HCFC1: variants seen among roughly 807,000 people sequenced by gnomAD.
HCFC1 encodes host cell factor C1.
HCFC1 carries 7 observed loss-of-function variants against 105.5 expected under a neutral mutation model. That is an observed-to-expected ratio of 0.07 (90% CI 0.04 to 0.12). HCFC1 has a LOEUF of 0.12. Among genes scored for constraint, HCFC1 ranks in the 10% least tolerant of loss-of-function variants. The probability of loss-of-function intolerance (pLI) is 1.00; values close to 1 mark genes in which losing one functional copy is unlikely to be tolerated. For synonymous variants in HCFC1, 918 were observed against 828.1 expected (o/e 1.11, Z -1.86); for missense variants, 1,065 against 1,823.6 (o/e 0.58, Z 7.58).
chrX:153,956,477 C>A, intron 15 of HCFC1, 66 bp from the exon 16 acceptor site: 1 of 1,132,115 alleles, frequency 8.8e-7, no homozygotes. Context: ...GCTCCTCCTG[C>A]ACAGGCTGGG....
At chrX:153,970,622 G>T (rs781870864) in intron 1 of HCFC1, 26 bp downstream of exon 1, 3 of 1,146,128 alleles carry the variant, frequency 2.6e-6, no homozygotes, top group African/African-American at 1.9e-5. Context: ...GGAAAGAGCC[G>T]AAGACCCAGC....
In HCFC1 at chrX:153,954,527, T is replaced by C. The variant is rs1557113873; in HGVS notation, c.3872A>G (p.Asn1291Ser). 1 of 1,210,936 alleles carries C rather than the reference T, an allele frequency of 8.3e-7. No individual in the cohort carries two copies. The highest frequency in any genetic ancestry group is 1.8e-5 in the South Asian group (1 of 56,946). ...PSATVTQVCS[N>S]PPCETHETGT... ...TGTCTCGTGGGTCTCACATGGTGGG[T>C]TGGAGCAGACTTGGGTCACGGTGGC... The change falls in exon 17 of 26, where the codon AAC becomes AGC. Residue 1291 changes from asparagine (N) to serine (S), a missense_variant. Transcript: ENST00000310441.
In HCFC1 at chrX:153,948,271, G is replaced by C. The variant is rs1557111485; in HGVS notation, c.*1076C>G. On this transcript the variant is annotated 3_prime_UTR_variant, in exon 26 of 26. Coordinates refer to ENST00000310441, the MANE Select transcript of HCFC1 (RefSeq NM_005334.3). Reference sequence around the variant, plus strand: ...CTAGGCTCGACCCTATAGATGCGGAGTGATCGCCCATGAGGAATGAGCTGT... The same window carrying C: ...CTAGGCTCGACCCTATAGATGCGGACTGATCGCCCATGAGGAATGAGCTGT... 8.9e-6 allele frequency: 1 copy of C among 111,857 alleles called. No homozygotes were observed. Among genetic ancestry groups the C allele is most frequent in the East Asian group, 2.8e-4 (1 of 3,563 alleles). The allele number at this position is 111,857 out of a possible 1,213,427, so 9.2% of individuals were successfully genotyped here. A position where few individuals can be genotyped will look rare whatever the true frequency, so the allele number is the denominator to read the frequency against.
intron 1 of HCFC1, among the ~76,000 whole-genome samples, chrX:153,965,643 C>A (rs2065467391): frequency 1.8e-5 from 2 of 112,311 alleles, no homozygotes; most frequent in Non-Finnish European, 3.8e-5. Flanking sequence ...TGGGTGAGAT[C>A]TCAGCAAGCA....
At chrX:153,962,777 T>C (rs1368492707) in intron 4 of HCFC1, among the ~76,000 whole-genome samples, 1 of 111,325 alleles carries the variant, frequency 9.0e-6, no homozygotes, top group Admixed American at 9.5e-5. Context: ...CAGTTAGTAA[T>C]CTTTCCCAGC....
chrX:153,952,085 G>A lies in HCFC1; in HGVS notation c.5016C>T (p.Ala1672=), dbSNP rs781976883. Residue 1672 remains alanine, a synonymous_variant, in exon 20 of 26, where the codon GCC becomes GCT. Transcript: ENST00000310441. The stretch of plus-strand genomic sequence containing the variant: ...TGGTGGCCTGGCCCTCCTGACCCTC[G>A]GCCGACAGGTGCCCCAGCTCCGCCT... ...VTQAELGHLS[A]EGQEGQATTI... 4 of 1,162,369 alleles carry A rather than the reference G, an allele frequency of 3.4e-6. No homozygotes were observed. Among genetic ancestry groups the A allele is most frequent in the African/African-American group, 1.8e-5 (1 of 56,921 alleles).
Position 153,964,656 on chromosome X carries a change from C to T in HCFC1, c.264G>A (p.Val88=), listed in dbSNP as rs782010376. 1.8e-5 allele frequency: 22 copies of T among 1,204,465 alleles called. No homozygotes were observed. The highest frequency in any genetic ancestry group is 1.2e-4 in the African/African-American group (7 of 57,108). The change falls in exon 2 of 26, where the codon GTG becomes GTA. Residue 88 remains valine (V), a synonymous_variant. Transcript: ENST00000310441. Reference sequence around the variant, plus strand: ...ACACCAGGAGGCGAGTCCCGTCACACACGAAGCCATAGGCTGCACACCCAG... The same window carrying T: ...ACACCAGGAGGCGAGTCCCGTCACATACGAAGCCATAGGCTGCACACCCAG... ...IPPGCAAYGF[V]CDGTRLLVFG... is the part of the protein sequence containing the mutation.
At position 153,954,607 on chromosome X, in the gene HCFC1, G is replaced by A; in HGVS notation, c.3792C>T (p.Gly1264=). The change falls in exon 17 of 26, where the codon GGC becomes GGT. Residue 1264 remains glycine, a synonymous_variant. Transcript: ENST00000310441. ...TCACAGTCACTGTGGTGCTGGGCGA[G>A]CCACCCTGGAGGCTCTCGCACACAG... ...MAPVCESLQG[G]SPSTTVTVTA... The A allele has an allele frequency of 8.3e-7, 1 of 1,209,506 alleles. No homozygotes were observed. The highest frequency in any genetic ancestry group is 1.1e-6 in the Non-Finnish European group (1 of 894,060).
rs1273510206 is a variant in HCFC1, at chrX:153,948,269, G to A, written c.*1078C>T. 1 of 111,846 alleles carries A rather than the reference G, an allele frequency of 8.9e-6. No individual in the cohort carries two copies. The highest frequency in any genetic ancestry group is 1.9e-5 in the Non-Finnish European group (1 of 53,101). 9.2% of individuals were successfully genotyped at this position (111,846 alleles called of 1,213,427 possible). On this transcript the variant is annotated 3_prime_UTR_variant, in exon 26 of 26. Coordinates refer to ENST00000310441, the MANE Select transcript of HCFC1 (RefSeq NM_005334.3). ...CCCTAGGCTCGACCCTATAGATGCG[G>A]AGTGATCGCCCATGAGGAATGAGCT...
intron 17 of HCFC1, 74 bp downstream of exon 17, chrX:153,953,992 C>G: frequency 9.1e-7 from 1 of 1,096,678 alleles, no homozygotes; most frequent in Non-Finnish European, 1.2e-6. Context: ...GACGGACCCC[C>G]GCCATCGTTG....
At position 153,955,207 on chromosome X, in the gene HCFC1, C is replaced by A. The variant is rs781851989; in HGVS notation, c.3192G>T (p.Val1064=). 3.3e-5 allele frequency: 40 copies of A among 1,209,956 alleles called. No individual in the cohort carries two copies. Among genetic ancestry groups the A allele is most frequent in the Non-Finnish European group, 7.8e-6 (7 of 895,057 alleles). The change falls in exon 17 of 26, where the codon GTG becomes GTT. Residue 1064 remains valine, a synonymous_variant. Coordinates refer to ENST00000310441, the MANE Select transcript of HCFC1 (RefSeq NM_005334.3). ...GGACCACGCTACCATTCTGCTGGCC[C>A]ACAGTCGAGGTCACAAGAGAAGCAG... ...EAAASLVTST[V]GQQNGSVVRV...
intron 18 of HCFC1, 154 bp from the exon 19 acceptor site, chrX:153,953,112 T>C (rs1488504202): frequency 3.8e-6 from 2 of 522,808 alleles, no homozygotes; most frequent in East Asian, 3.6e-5. Context: ...GAGAAGCCCC[T>C]GTCAGAGGGG....
rs1557111615 is a variant in HCFC1, at chrX:153,948,692, T to C, written c.*655A>G. ...CCTGCAGGGAGGTCTGCACAGGCGC[T>C]GCCCAGGCCGCCGCGGGGCTCCTTG... On this transcript the variant is annotated 3_prime_UTR_variant, in exon 26 of 26. Coordinates refer to ENST00000310441, the MANE Select transcript of HCFC1 (RefSeq NM_005334.3). 4.4e-5 allele frequency: 5 copies of C among 112,806 alleles called. No homozygotes were observed. The allele number at this position is 112,806 out of a possible 1,213,427, so 9.3% of individuals were successfully genotyped here.
intron 4 of HCFC1, among the ~76,000 whole-genome samples, chrX:153,962,613 C>T (rs920217441): frequency 8.9e-6 from 1 of 112,547 alleles, no homozygotes; most frequent in Non-Finnish European, 1.9e-5. Context: ...CCATGAAATA[C>T]GTTCACCGCC....
intron 9 of HCFC1, 145 bp downstream of exon 9, chrX:153,959,186 G>A (rs1382326543): frequency 8.1e-5 from 50 of 615,620 alleles, no homozygotes; most frequent in Non-Finnish European, 1.2e-4. Context: ...TCGCAGGAGC[G>A]TTTCCCCATC....
intron 22 of HCFC1, 73 bp downstream of exon 22, chrX:153,951,273 GTTTC>G (rs2065308372): frequency 8.9e-7 from 1 of 1,119,218 alleles, no homozygotes; most frequent in Admixed American, 2.2e-5. Flanking sequence ...AGATGGAGGA[GTTTC>G]CTGTAAGCCC....
At chrX:153,957,604 G>C (rs1187670230) in intron 12 of HCFC1, 71 bp from the exon 13 acceptor site, 1 of 938,049 alleles carries the variant, frequency 1.1e-6, no homozygotes, top group African/African-American at 1.9e-5. Context: ...GCTACTCTCC[G>C]CCGGCAGCCT....
At chrX:153,968,190 C>T (rs782539289) in intron 1 of HCFC1, among the ~76,000 whole-genome samples, 26 of 111,587 alleles carry the variant, frequency 2.3e-4, no homozygotes, top group Admixed American at 2.0e-3. Flanking sequence ...CACTCTGAAT[C>T]CTTTGGCTTG....
At position 153,956,674 on chromosome X, in the gene HCFC1, G is replaced by A. The variant is rs1557115093; in HGVS notation, c.2586C>T (p.Val862=). 5 of 1,211,688 alleles carry A rather than the reference G, an allele frequency of 4.1e-6. No individual in the cohort carries two copies. The Admixed American group carries it at 6.5e-5, about 16-fold the overall frequency. The change falls in exon 15 of 26, where the codon GTC becomes GTT. Residue 862 remains valine, a synonymous_variant. Coordinates refer to ENST00000310441, the MANE Select transcript of HCFC1 (RefSeq NM_005334.3). ...GGVRLVTPVT[V]SAVKPAVTTL... ...TGGTGACGGCTGGCTTGACGGCGGA[G>A]ACGGTGACGGGTGTGACCAGGCGAA...
Sources: gnomAD v4.1 joint callset for allele counts (sites outside exome capture counted in the v4.1 genomes callset) on GRCh38, gnomAD v4.1.1 for gene constraint, MANE v1.5 for transcripts, NCBI Gene and HGNC (gene_info 2026-07-23, HGNC 2026-07-21) for gene names.